The following RANBP2 variants were observed in gnomAD, a reference collection of about 807,000 sequenced individuals.
RANBP2 encodes E3 SUMO-protein ligase RanBP2.
Under a neutral mutation model 303.6 loss-of-function variants are expected in RANBP2, and 57 were observed. That is an observed-to-expected ratio of 0.19 (90% CI 0.15 to 0.23). The LOEUF (loss-of-function observed/expected upper bound fraction) is 0.23, where lower values mean the gene tolerates loss of function less well. Among genes scored for constraint, RANBP2 ranks in the 10% least tolerant of loss-of-function variants. The pLI, the probability that RANBP2 is intolerant of heterozygous loss-of-function variation, is 1.00. For missense variants in RANBP2, 3,138 were observed against 3,780.8 expected, an observed-to-expected ratio of 0.83 and a Z score of 4.46; for synonymous variants, 1,167 against 1,301.5, an observed-to-expected ratio of 0.90 and a Z score of 2.23.
the RANBP2 span, among the ~76,000 whole-genome samples, chr2:109,464,758 A>G: frequency 1.3e-5 from 2 of 152,210 alleles, no homozygotes; most frequent in Admixed American, 1.3e-4. Flanking sequence ...CTCTTCTACT[A>G]TCAATGGCCT....
Position 108,765,907 on chromosome 2 carries a change from T to C in RANBP2, c.5368T>C (p.Cys1790Arg), listed in dbSNP as rs1677083189. 2 of 1,614,222 alleles carry C rather than the reference T, an allele frequency of 1.2e-6. No individual in the cohort carries two copies. The highest frequency in any genetic ancestry group is 8.5e-7 in the Non-Finnish European group (1 of 1,180,014). ...IRKGQWDCSVCCVQNESSSLK... is the reference protein window; with the variant it reads ...IRKGQWDCSVRCVQNESSSLK... ...GAAAGGACAGTGGGATTGTAGTGTT[T>C]GCTGTGTACAAAATGAGAGTTCTTC... Residue 1790 changes from cysteine (C) to arginine (R), a missense_variant, in exon 20 of 29, where the codon TGC becomes CGC. Cys to Arg is a radical substitution (Grantham distance 180, BLOSUM62 -3). Transcript: ENST00000283195.
chr2:109,128,882 G>A, the RANBP2 span: 2 of 316,194 alleles, frequency 6.3e-6, no homozygotes, highest in South Asian at 2.2e-5. Flanking sequence ...AGGGGACCAG[G>A]CTAATCGCCG....
At chr2:109,269,165 G>A in the RANBP2 span, among the ~76,000 whole-genome samples, 1 of 152,242 alleles carries the variant, frequency 6.6e-6, no homozygotes, top group South Asian at 2.1e-4. Flanking sequence ...TTCCCTGGGG[G>A]AGAGGGACCA....
chr2:109,277,433 AT>A, the RANBP2 span, among the ~76,000 whole-genome samples: 1 of 152,188 alleles, frequency 6.6e-6, no homozygotes, highest in Non-Finnish European at 1.5e-5. Context: ...CGACTGTATA[AT>A]TTCATAAGAT....
At chr2:109,059,922 T>G in the RANBP2 span, among the ~76,000 whole-genome samples, 1 of 152,120 alleles carries the variant, frequency 6.6e-6, no homozygotes, top group Non-Finnish European at 1.5e-5. Context: ...TGAGTGTGGT[T>G]GTCGTATCCT....
At chr2:108,863,349 A>G in the RANBP2 span, among the ~76,000 whole-genome samples, 1 of 152,224 alleles carries the variant, frequency 6.6e-6, no homozygotes, top group Non-Finnish European at 1.5e-5. Context: ...TAGGAAATAC[A>G]ATGGGAAGGT....
the RANBP2 span, among the ~76,000 whole-genome samples, chr2:109,737,856 G>A: frequency 6.6e-6 from 1 of 152,022 alleles, no homozygotes; most frequent in Non-Finnish European, 1.5e-5. Context: ...TCTTATACTT[G>A]TTGGCCATTT....
At chr2:109,075,025 CAAAAAAAAA>C in the RANBP2 span, among the ~76,000 whole-genome samples, 1 of 44,636 alleles carries the variant, frequency 2.2e-5, no homozygotes, top group Non-Finnish European at 4.0e-5. Context: ...GTCTCCATCT[CAAAAAAAAA>C]AAAAAAAAAA....
At position 108,784,285 on chromosome 2, in the gene RANBP2, A is replaced by G. The variant is rs574040339; in HGVS notation, c.*384A>G. Reference sequence around the variant, plus strand: ...TACTTACCATTTGAATAAAGGGACCACAACTTGGATAATTTAATTTTAGGT... The same window carrying G: ...TACTTACCATTTGAATAAAGGGACCGCAACTTGGATAATTTAATTTTAGGT... On this transcript the variant is annotated 3_prime_UTR_variant, in exon 29 of 29. Transcript: ENST00000283195. 7.8e-5 allele frequency: 14 copies of G among 180,088 alleles called. No homozygotes were observed. Among genetic ancestry groups the G allele is most frequent in the Non-Finnish European group, 1.5e-4 (13 of 83,968 alleles). The allele number at this position is 180,088 out of a possible 1,614,324, so 11.2% of individuals were successfully genotyped here. A position where few individuals can be genotyped will look rare whatever the true frequency, so the allele number is the denominator to read the frequency against.
chr2:108,907,745 T>A, the RANBP2 span: 1 of 1,264,486 alleles, frequency 7.9e-7, no homozygotes, highest in Admixed American at 1.7e-5. Flanking sequence ...TATCTTGGAC[T>A]TCTGGGAGAA....
the RANBP2 span, among the ~76,000 whole-genome samples, chr2:108,942,543 C>T: frequency 6.6e-6 from 1 of 152,252 alleles, no homozygotes; most frequent in Non-Finnish European, 1.5e-5. Context: ...GGCCAGCGTC[C>T]CCGTCTCCCT....
the RANBP2 span, among the ~76,000 whole-genome samples, chr2:109,763,023 G>T: frequency 2.7e-5 from 4 of 148,532 alleles, no homozygotes; most frequent in African/African-American, 9.9e-5. Flanking sequence ...CTTATAGATG[G>T]TTCAAAATAA....
At chr2:109,593,066 T>C in the RANBP2 span, 1 of 1,599,312 alleles carries the variant, frequency 6.3e-7, no homozygotes, top group Non-Finnish European at 8.5e-7. Context: ...GTTCATCATC[T>C]GATCCTTGTG....
chr2:109,373,872 C>G, the RANBP2 span, among the ~76,000 whole-genome samples: 10 of 152,278 alleles, frequency 6.6e-5, no homozygotes, highest in East Asian at 1.9e-3. Flanking sequence ...GCCCCTCAGC[C>G]CCTCCTCTGG....
intron 12 of RANBP2, among the ~76,000 whole-genome samples, chr2:108,752,457 G>A (rs1236266010): frequency 6.6e-6 from 1 of 151,808 alleles, no homozygotes; most frequent in Non-Finnish European, 1.5e-5. Flanking sequence ...CGTTAGGATG[G>A]TATCATTAGA....
chr2:108,755,562 T>A (rs1676244590), intron 17 of RANBP2, among the ~76,000 whole-genome samples: 1 of 151,334 alleles, frequency 6.6e-6, no homozygotes, highest in Non-Finnish European at 1.5e-5. Context: ...CCCAGCTAAT[T>A]GTTGTATTTT....
rs199711632 is a variant in RANBP2, at chr2:108,765,728, G to A, written c.5189G>A (p.Cys1730Tyr). The change falls in exon 20 of 29, where the codon TGC becomes TAC. Residue 1730 changes from cysteine (C) to tyrosine (Y), a missense_variant. Physicochemically the swap from Cys to Tyr is radical, Grantham distance 194. Transcript: ENST00000283195. ...ACTAAGAAGGAAGGACAGTGGGATT[G>A]CAGTGTGTGCTTAGTAAGAAATGAA... ...MFTKKEGQWD[C>Y]SVCLVRNEAS... The A allele has an allele frequency of 1.1e-4, 182 of 1,613,966 alleles. 1 individual carries two copies. The highest frequency in any genetic ancestry group is 1.4e-4 in the Non-Finnish European group (162 of 1,180,014).
chr2:109,038,001 T>A, the RANBP2 span, among the ~76,000 whole-genome samples: 1 of 152,204 alleles, frequency 6.6e-6, no homozygotes, highest in Admixed American at 6.5e-5. Context: ...TTAACCAAAC[T>A]GGATAAAGAA....
chr2:109,299,523 C>T, the RANBP2 span, among the ~76,000 whole-genome samples: 1 of 152,062 alleles, frequency 6.6e-6, no homozygotes, highest in African/African-American at 2.4e-5. Flanking sequence ...AGCCTTGCAC[C>T]CCAGGACAGG....
Sources: gnomAD v4.1 joint callset for allele counts (sites outside exome capture counted in the v4.1 genomes callset) on GRCh38, gnomAD v4.1.1 for gene constraint, MANE v1.5 for transcripts, NCBI Gene and HGNC (gene_info 2026-07-23, HGNC 2026-07-21) for gene names.